The following LOXL2 variants were observed in gnomAD, a reference collection of about 807,000 sequenced individuals.
LOXL2 encodes the protein lysyl oxidase homolog 2.
Under a neutral mutation model 93.0 loss-of-function variants are expected in LOXL2, and 70 were observed. That is an observed-to-expected ratio of 0.75 (90% confidence interval 0.62 to 0.92). LOXL2 has a LOEUF of 0.92. Among genes scored for constraint, LOXL2 ranks in the 40% least tolerant of loss-of-function variants. The pLI, the probability that LOXL2 is intolerant of heterozygous loss-of-function variation, is 0.00. For synonymous variants in LOXL2, 438 were observed against 413.2 expected (o/e 1.06, Z -0.73); for missense variants, 973 against 1,054.9 (o/e 0.92, Z 1.08).
rs148428158 is a variant in LOXL2, at chr8:23,309,788, G to C, written c.1760C>G (p.Thr587Ser). The C allele has an allele frequency of 6.2e-7, 1 of 1,604,062 alleles. No homozygotes were observed. Among genetic ancestry groups the C allele is most frequent in the Non-Finnish European group, 8.5e-7 (1 of 1,175,562 alleles). The change falls in exon 10 of 14, where the codon ACC becomes AGC. Residue 587 changes from threonine (T) to serine (S), a missense_variant. Physicochemically the swap from Thr to Ser is moderately conservative, Grantham distance 58. Coordinates refer to ENST00000389131, the MANE Select transcript of LOXL2 (RefSeq NM_002318.3). ...ENCLSASAAQ[T>S]DPTTGYRRLL... ...CCGGCGGTAGCCCGTGGTGGGGTCGGTCTGCGCGGCTGAGGCCGAGAGGCA... is the reference window on the plus strand; with the variant it reads ...CCGGCGGTAGCCCGTGGTGGGGTCGCTCTGCGCGGCTGAGGCCGAGAGGCA...
intron 4 of LOXL2, among the ~76,000 whole-genome samples, chr8:23,338,840 C>T (rs1229775950): frequency 6.6e-6 from 1 of 152,186 alleles, no homozygotes. Flanking sequence ...CTGAGCTGGC[C>T]CTACCCCCGG....
intron 1 of LOXL2, among the ~76,000 whole-genome samples, chr8:23,398,967 G>T (rs372174423): frequency 6.6e-6 from 1 of 152,358 alleles, no homozygotes; most frequent in African/African-American, 2.4e-5. Context: ...GCATTGGACA[G>T]CAGTGGGTGC....
chr8:23,303,958 C>T (rs1425198171), intron 10 of LOXL2, among the ~76,000 whole-genome samples: 7 of 152,204 alleles, frequency 4.6e-5, no homozygotes, highest in African/African-American at 9.7e-5. Context: ...ACCCCAAGGT[C>T]GTGCCTGTGC....
chr8:23,328,719 G>GTGTGTGTGTGTGTGTGTGTGTGTC (rs1803628881), intron 5 of LOXL2, 154 bp from the exon 6 acceptor site: 1 of 615,306 alleles, frequency 1.6e-6, no homozygotes, highest in African/African-American at 1.9e-5. Flanking sequence ...ATGTGTGTGT[G>GTGTGTGTGTGTGTGTGTGTGTGTC]TGTGTGTGTG....
intron 1 of LOXL2, among the ~76,000 whole-genome samples, chr8:23,397,114 T>C (rs1163273212): frequency 1.3e-5 from 2 of 151,988 alleles, no homozygotes; most frequent in African/African-American, 2.4e-5. Flanking sequence ...AAAAGACAAA[T>C]ATAATATATT....
At position 23,333,414 on chromosome 8, in the gene LOXL2, G is replaced by C. The variant is rs1346211357; in HGVS notation, c.953C>G (p.Ala318Gly). ...SPDGPSRFRK[A>G]YKPEQPLVRL... Reference sequence around the variant, plus strand: ...CCCCGTCCTCACCTCTGGCTTGTACGCTTTCCGGAATCTTGAGGGTCCGTC... The same window carrying C: ...CCCCGTCCTCACCTCTGGCTTGTACCCTTTCCGGAATCTTGAGGGTCCGTC... The change falls in exon 5 of 14, where the codon GCG (alanine) becomes GGG (glycine). Residue 318 changes from alanine to glycine, a missense_variant. Ala to Gly is a moderately conservative substitution (Grantham distance 60). Coordinates refer to ENST00000389131, the MANE Select transcript of LOXL2 (RefSeq NM_002318.3). 6.2e-7 allele frequency: 1 copy of C among 1,613,686 alleles called. No individual in the cohort carries two copies. Among genetic ancestry groups the C allele is most frequent in the African/African-American group, 1.3e-5 (1 of 74,926 alleles).
chr8:23,351,707 AT>A (rs1677969805), intron 3 of LOXL2, among the ~76,000 whole-genome samples: 2 of 152,184 alleles, frequency 1.3e-5, no homozygotes, highest in Non-Finnish European at 2.9e-5. Flanking sequence ...ACCCTTTTGC[AT>A]TTCAGATTTT....
chr8:23,313,576 A>G (rs934386087), intron 9 of LOXL2, among the ~76,000 whole-genome samples: 21 of 152,212 alleles, frequency 1.4e-4, no homozygotes, highest in Non-Finnish European at 2.9e-4. Flanking sequence ...AATGGTGCTG[A>G]GAAAACTGGC....
rs147416554 is a variant in LOXL2 at position 23,356,882 on chromosome 8, A to G, written c.531+3208T>C. ...TTGGAAGGATCTCCAGCTTTCTCCA[A>G]GGCGTACATCTTGTCTTGCAGGTTG... On this transcript the variant is annotated intron_variant, in intron 3 of 13. Transcript: ENST00000389131. 3.5e-4 allele frequency among the ~76,000 whole-genome samples: 53 copies of G among 152,234 alleles called. No individual in the cohort carries two copies. The East Asian group carries it at 0.01, about 29-fold the overall frequency.
chr8:23,342,845 G>C (rs1198991048), intron 3 of LOXL2, among the ~76,000 whole-genome samples: 1 of 151,978 alleles, frequency 6.6e-6, no homozygotes, highest in Non-Finnish European at 1.5e-5. Context: ...CCATATCCTG[G>C]GCTCAACCGA....
chr8:23,353,019 A>AGGGGGGGGGGGG (rs1804120791), intron 3 of LOXL2, among the ~76,000 whole-genome samples: 1 of 9,074 alleles, frequency 1.1e-4, no homozygotes, highest in Non-Finnish European at 2.3e-4. Context: ...GGAGGGGTGG[A>AGGGGGGGGGGGG]GTGGGGTGGG....
At chr8:23,398,901 G>C (rs556187024) in intron 1 of LOXL2, among the ~76,000 whole-genome samples, 2 of 152,248 alleles carry the variant, frequency 1.3e-5, no homozygotes, top group African/African-American at 4.8e-5. Flanking sequence ...CGCTGGTCAC[G>C]GTAGAAGGGC....
At chr8:23,336,264 C>G (rs138538979) in intron 4 of LOXL2, 2 of 152,510 alleles carry the variant, frequency 1.3e-5, no homozygotes, top group African/African-American at 4.8e-5. Flanking sequence ...CCACAGCAAA[C>G]AACTGTCCCC....
intron 1 of LOXL2, among the ~76,000 whole-genome samples, chr8:23,387,898 G>A (rs946232529): frequency 2.0e-5 from 3 of 152,108 alleles, no homozygotes; most frequent in Admixed American, 6.5e-5. Flanking sequence ...TCAGTGAGCC[G>A]AGATCACGCC....
intron 3 of LOXL2, among the ~76,000 whole-genome samples, chr8:23,357,557 T>C (rs960914630): frequency 2.6e-5 from 4 of 152,224 alleles, no homozygotes; most frequent in African/African-American, 9.6e-5. Flanking sequence ...CAGAGTCCTT[T>C]TTCCAAAATC....
At chr8:23,364,387 T>G (rs1371081010) in intron 2 of LOXL2, 3 of 152,180 alleles carry the variant, frequency 2.0e-5, no homozygotes, top group African/African-American at 7.2e-5. Flanking sequence ...AGAAGCCAAA[T>G]TTTATGTTAC....
At chr8:23,343,605 G>T (rs1803922443) in intron 3 of LOXL2, among the ~76,000 whole-genome samples, 1 of 152,220 alleles carries the variant, frequency 6.6e-6, no homozygotes, top group Non-Finnish European at 1.5e-5. Flanking sequence ...GGGCTTCAGG[G>T]TCCACAGCCA....
intron 8 of LOXL2, among the ~76,000 whole-genome samples, 173 bp downstream of exon 8, chr8:23,319,712 G>A (rs536597831): frequency 2.0e-5 from 3 of 152,186 alleles, no homozygotes; most frequent in Non-Finnish European, 4.4e-5. Flanking sequence ...ACTCAGGCCT[G>A]TAAGGAGCAG....
chr8:23,305,753 G>C (rs543347205), intron 10 of LOXL2, among the ~76,000 whole-genome samples: 5 of 152,068 alleles, frequency 3.3e-5, no homozygotes, highest in Non-Finnish European at 7.4e-5. Context: ...AGGTCACTGT[G>C]ATCTGGACAA....
Sources: gnomAD v4.1 joint callset for allele counts (sites outside exome capture counted in the v4.1 genomes callset) on GRCh38, gnomAD v4.1.1 for gene constraint, MANE v1.5 for transcripts, NCBI Gene and HGNC (gene_info 2026-07-23, HGNC 2026-07-21) for gene names.